TKT: variants seen among roughly 807,000 people sequenced by gnomAD.
The protein encoded by TKT is epididymis luminal protein 107.
A neutral mutation model predicts 63.9 loss-of-function variants in TKT; 47 were observed. That is an observed-to-expected ratio of 0.74 (90% confidence interval 0.58 to 0.94). TKT has a LOEUF of 0.94. Ranked by LOEUF, TKT falls within the 40% of genes least tolerant of loss-of-function variation. The pLI, the probability that TKT is intolerant of heterozygous loss-of-function variation, is 0.00. For missense variants in TKT, 721 were observed against 846.2 expected, an observed-to-expected ratio of 0.85 and a Z score of 1.84; for synonymous variants, 338 against 334.1, an observed-to-expected ratio of 1.01 and a Z score of -0.13.
rs903214426 is a variant in TKT at position 53,226,370 on chromosome 3, A to G, written c.1696+386T>C. On this transcript the variant is annotated intron_variant, in intron 13 of 13. Coordinates refer to ENST00000462138, the MANE Select transcript of TKT (RefSeq NM_001064.4). ...TCTCCCACTGGGGCCTCCTACTTAG[A>G]GAGGCTGGTGTGTACTTAGGGAGCC... is the stretch of plus-strand genomic sequence containing the variant. The G allele has an allele frequency of 2.5e-4, 64 of 257,922 alleles. 1 individual carries two copies. In the East Asian group the frequency reaches 6.1e-3, roughly 25 times the overall value. The allele number at this position is 257,922 out of a possible 1,614,324, so 16.0% of individuals were successfully genotyped here.
At position 53,233,293 on chromosome 3, in the gene TKT, GAGTA is replaced by G; in HGVS notation, c.630-23_630-20del. 1.3e-6 allele frequency: 2 copies of G among 1,594,854 alleles called. No individual in the cohort carries two copies. Among genetic ancestry groups the G allele is most frequent in the Non-Finnish European group, 1.7e-6 (2 of 1,168,188 alleles). ...ATGCCAACTGGGGACAGGGGGCAGA[GAGTA>G]AGGGGCAATTCCCAGGGGCCACAAC... On this transcript the variant is annotated intron_variant, in intron 5 of 13. Coordinates refer to ENST00000462138, the MANE Select transcript of TKT (RefSeq NM_001064.4).
intron 10 of TKT, 46 bp from the exon 11 acceptor site, chr3:53,228,405 C>T (rs1553676097): frequency 6.2e-7 from 1 of 1,601,500 alleles, no homozygotes; most frequent in South Asian, 1.1e-5. Context: ...GTGGCACACC[C>T]AACCTCAGAG....
At chr3:53,250,878 C>T (rs111230681) in intron 1 of TKT, among the ~76,000 whole-genome samples, 66 of 152,260 alleles carry the variant, frequency 4.3e-4, no homozygotes, top group Middle Eastern at 3.4e-3. Context: ...AACTCCTGGG[C>T]TCAAGTGATC....
intron 7 of TKT, among the ~76,000 whole-genome samples, chr3:53,230,826 T>C (rs55649678): frequency 0.96 from 146,829 of 152,226 alleles, 71,029 homozygotes; most frequent in East Asian, 1. Context: ...CCCGGCCCCT[T>C]CTGGCTGTGA....
At position 53,229,535 on chromosome 3, in the gene TKT, G is replaced by C. The variant is rs1008523359; in HGVS notation, c.1108-99C>G. The C allele has an allele frequency of 6.1e-6, 8 of 1,315,258 alleles. No homozygotes were observed. The South Asian group carries it at 9.1e-5, about 15-fold the overall frequency. 81.5% of individuals were successfully genotyped at this position (1,315,258 alleles called of 1,614,324 possible). On this transcript the variant is annotated intron_variant, in intron 8 of 13. Transcript: ENST00000462138. Reference sequence around the variant, plus strand: ...TGGAGAAAGCCACAATTTGTATATAGATTGTCCATCCTTTCTGGGCTTCTG... The same window carrying C: ...TGGAGAAAGCCACAATTTGTATATACATTGTCCATCCTTTCTGGGCTTCTG...
At chr3:53,228,417 C>G (rs1261782735) in intron 10 of TKT, 58 bp from the exon 11 acceptor site, 1 of 1,580,112 alleles carries the variant, frequency 6.3e-7, no homozygotes, top group Admixed American at 1.7e-5. Flanking sequence ...ACCTCAGAGA[C>G]GAGGTCTTTC....
In TKT at chr3:53,228,423, C is replaced by T. The variant is rs1326628363; in HGVS notation, c.1396-64G>A. 6.4e-6 allele frequency: 10 copies of T among 1,568,534 alleles called. No individual in the cohort carries two copies. In the African/African-American group the frequency reaches 1.2e-4, roughly 19 times the overall value. Reference sequence around the variant, plus strand: ...GCACACCCAACCTCAGAGACGAGGTCTTTCTAGAGAGGCCATCCCTTCCCA... The same window carrying T: ...GCACACCCAACCTCAGAGACGAGGTTTTTCTAGAGAGGCCATCCCTTCCCA... On this transcript the variant is annotated intron_variant, in intron 10 of 13. Transcript: ENST00000462138.
In TKT at chr3:53,237,320, G is replaced by A. The variant is rs542674648; in HGVS notation, c.438-2146C>T. Among the ~76,000 whole-genome samples, 21 of 152,050 alleles carry A rather than the reference G, an allele frequency of 1.4e-4. 1 individual carries two copies. Among genetic ancestry groups the A allele is most frequent in the African/African-American group, 4.1e-4 (17 of 41,444 alleles). ...GGAGAATTACTTGAACCCAGGAGGC[G>A]GAGGTTGCAGTGAGCTAAGATGGCA... On this transcript the variant is annotated intron_variant, in intron 4 of 13. Coordinates refer to ENST00000462138, the MANE Select transcript of TKT (RefSeq NM_001064.4).
In TKT at chr3:53,226,817, A is replaced by G. The variant is rs1360315287; in HGVS notation, c.1635T>C (p.Ile545=). 6 of 1,613,848 alleles carry G rather than the reference A, an allele frequency of 3.7e-6. No individual in the cohort carries two copies. Among genetic ancestry groups the G allele is most frequent in the African/African-American group, 1.3e-5 (1 of 74,882 alleles). ...CCTTGGTGGCACGAGCGCTGTCGAG[A>G]ATGAGTTTTCTGTCCAGGGGCTTGA... ...FTIKPLDRKL[I]LDSARATKGR... is the part of the protein sequence containing the mutation. Residue 545 remains isoleucine (I), a synonymous_variant, in exon 13 of 14, where the codon ATT becomes ATC. Transcript: ENST00000462138.
chr3:53,243,107 G>A (rs1705356498), intron 1 of TKT, among the ~76,000 whole-genome samples: 1 of 152,142 alleles, frequency 6.6e-6, no homozygotes, highest in Non-Finnish European at 1.5e-5. Context: ...CTGCCTTCCA[G>A]CCTGGGAGTG....
chr3:53,251,034 G>A (rs1297238764), intron 1 of TKT, among the ~76,000 whole-genome samples: 4 of 152,150 alleles, frequency 2.6e-5, no homozygotes, highest in African/African-American at 9.7e-5. Context: ...GCCTCCCAAA[G>A]TGCTGTGAAT....
At chr3:53,235,317 G>A in intron 4 of TKT, 143 bp from the exon 5 acceptor site, 2 of 698,618 alleles carry the variant, frequency 2.9e-6, no homozygotes, top group South Asian at 4.9e-5. Context: ...TTACACTCGA[G>A]GGGCAACAGT....
chr3:53,243,698 A>C, intron 1 of TKT: 1 of 449,234 alleles, frequency 2.2e-6, no homozygotes, highest in Middle Eastern at 5.5e-4. Flanking sequence ...CCACGCTCCC[A>C]GTGCCAGCTT....
At chr3:53,255,600 G>T (rs1553682148) in intron 1 of TKT, among the ~76,000 whole-genome samples, 1 of 152,158 alleles carries the variant, frequency 6.6e-6, no homozygotes. Context: ...TGAGGCGCAC[G>T]GAGGACCAGA....
chr3:53,235,199 C>T (rs1553678303), intron 4 of TKT, 25 bp from the exon 5 acceptor site: 2 of 1,585,302 alleles, frequency 1.3e-6, no homozygotes, highest in Non-Finnish European at 1.7e-6. Context: ...TGAATCAGGC[C>T]AGTCCCTCTC....
intron 12 of TKT, 136 bp from the exon 13 acceptor site, chr3:53,227,014 A>ACAG: frequency 1.8e-6 from 2 of 1,110,802 alleles, no homozygotes; most frequent in Non-Finnish European, 2.5e-6. Flanking sequence ...TGTCCCAGGG[A>ACAG]GAACCACTTG....
chr3:53,255,709 C>T, intron 1 of TKT, 127 bp downstream of exon 1: 1 of 537,144 alleles, frequency 1.9e-6, no homozygotes, highest in Non-Finnish European at 2.7e-6. Flanking sequence ...CGCCCTCCGA[C>T]GGCGCCCGGG....
rs782660917 is a variant in TKT at position 53,228,143 on chromosome 3, G to A, written c.1486C>T (p.Leu496=). The A allele has an allele frequency of 5.6e-6, 9 of 1,614,058 alleles. No individual in the cohort carries two copies. The highest frequency in any genetic ancestry group is 7.6e-6 in the Non-Finnish European group (9 of 1,179,992). ...GTCACCTGGTCATCCTTGCTCTTCA[G>A]GACCACCTGGGGGTGACACAGAGGG... ...DFQVGQAKVV[L]KSKDDQVTVI... The change falls in exon 12 of 14, where the codon CTG becomes TTG. Residue 496 remains leucine (L), a synonymous_variant. Coordinates refer to ENST00000462138, the MANE Select transcript of TKT (RefSeq NM_001064.4).
chr3:53,232,668 ACCC>A (rs1487747259), intron 6 of TKT: 1 of 397,184 alleles, frequency 2.5e-6, no homozygotes, highest in East Asian at 3.6e-5. Context: ...CAGGTTCCAA[ACCC>A]CCCAAGGCTC....
Sources: gnomAD v4.1 joint callset for allele counts (sites outside exome capture counted in the v4.1 genomes callset) on GRCh38, gnomAD v4.1.1 for gene constraint, MANE v1.5 for transcripts, NCBI Gene and HGNC (gene_info 2026-07-23, HGNC 2026-07-21) for gene names.